GTF2F2: variants seen among roughly 807,000 people sequenced by gnomAD.
GTF2F2 encodes ATP-dependent helicase GTF2F2.
GTF2F2 carries 23 observed loss-of-function variants against 42.2 expected under a neutral mutation model. The observed-to-expected ratio is 0.55, with a 90% CI of 0.39 to 0.77. The LOEUF (loss-of-function observed/expected upper bound fraction) is 0.77. Among genes scored for constraint, GTF2F2 ranks in the 30% least tolerant of loss-of-function variants. GTF2F2 has a pLI of 0.00. For synonymous variants in GTF2F2, 105 were observed against 100.8 expected, an observed-to-expected ratio of 1.04 and a Z score of -0.25; for missense variants, 261 against 287.2, an observed-to-expected ratio of 0.91 and a Z score of 0.66.
rs1876598476 is a variant in GTF2F2, at chr13:45,267,180, T to C, written c.487-53T>C. 5 of 1,480,416 alleles carry C rather than the reference T, an allele frequency of 3.4e-6. No homozygotes were observed. In the Admixed American group the frequency reaches 9.7e-5, roughly 29 times the overall value. The allele number at this position is 1,480,416 out of a possible 1,614,324, so 91.7% of individuals were successfully genotyped here. Reference sequence around the variant, plus strand: ...AAAAAAAAAGAGAATGCCTGTGTTTTAGAGTGAGCATGTTGAATTGATGCT... The same window carrying C: ...AAAAAAAAAGAGAATGCCTGTGTTTCAGAGTGAGCATGTTGAATTGATGCT... On this transcript the variant is annotated intron_variant, in intron 6 of 7. Transcript: ENST00000340473.
intron 5 of GTF2F2, among the ~76,000 whole-genome samples, chr13:45,251,753 A>C (rs1875887597): frequency 6.6e-6 from 1 of 152,178 alleles, no homozygotes; most frequent in African/African-American, 2.4e-5. Flanking sequence ...AATAATAAAC[A>C]TAAGCTTTTG....
intron 2 of GTF2F2, among the ~76,000 whole-genome samples, chr13:45,147,801 C>CT (rs1176506041): frequency 1.3e-5 from 2 of 152,178 alleles, no homozygotes; most frequent in African/African-American, 4.8e-5. Context: ...GTGCTAGATA[C>CT]TTTCTTTTTT....
rs891217626 is a variant in GTF2F2 at position 45,151,258 on chromosome 13, A to G, written c.160-429A>G. 2.0e-4 allele frequency among the ~76,000 whole-genome samples: 30 copies of G among 152,292 alleles called. No homozygotes were observed. In the South Asian group the frequency reaches 2.3e-3, roughly 12 times the overall value. On this transcript the variant is annotated intron_variant, in intron 3 of 7. Coordinates refer to ENST00000340473, the MANE Select transcript of GTF2F2 (RefSeq NM_004128.3). The stretch of plus-strand genomic sequence containing the variant: ...GTTTTCTGTTTCTGCGCTAATTTAC[A>G]TAGGATAATGGCTTCCAGCTGCATC...
At chr13:45,226,022 G>A (rs1874335136) in intron 5 of GTF2F2, among the ~76,000 whole-genome samples, 1 of 151,690 alleles carries the variant, frequency 6.6e-6, no homozygotes, top group Non-Finnish European at 1.5e-5. Flanking sequence ...TTCCTTTTAT[G>A]GGCTGTGATA....
At chr13:45,216,427 G>A (rs964093643) in intron 5 of GTF2F2, among the ~76,000 whole-genome samples, 2 of 152,158 alleles carry the variant, frequency 1.3e-5, no homozygotes, top group African/African-American at 2.4e-5. Flanking sequence ...CTTGTGTTCC[G>A]TGGTTAGTGA....
chr13:45,212,451 C>CTTTCTTTCTTTTCTTTTCTTTTCT lies in GTF2F2; in HGVS notation c.386+4957_386+4958insTCTTTTCTTTTCTTTTCTTTCTTT, dbSNP rs1555269183. ...TTCTTTCTTTCTTTCTTTCTTGTTT[C>CTTTCTTTCTTTTCTTTTCTTTTCT]TTTCTTTCTTTCTTTCTTTCTTTCT... On this transcript the variant is annotated intron_variant, in intron 5 of 7. Coordinates refer to ENST00000340473, the MANE Select transcript of GTF2F2 (RefSeq NM_004128.3). Among the ~76,000 whole-genome samples, 240 of 71,692 alleles carry CTTTCTTTCTTTTCTTTTCTTTTCT rather than the reference C, an allele frequency of 3.3e-3. 8 individuals are homozygous for CTTTCTTTCTTTTCTTTTCTTTTCT. Among genetic ancestry groups the CTTTCTTTCTTTTCTTTTCTTTTCT allele is most frequent in the African/African-American group, 0.011 (181 of 16,090 alleles). 47.0% of individuals were successfully genotyped at this position (71,692 alleles called of 152,430 possible).
Position 45,182,311 on chromosome 13 carries a change from C to T in GTF2F2, c.305-25113C>T, listed in dbSNP as rs1025104115. 5.9e-5 allele frequency among the ~76,000 whole-genome samples: 9 copies of T among 151,970 alleles called. 1 individual carries two copies. Among genetic ancestry groups the T allele is most frequent in the African/African-American group, 1.5e-4 (6 of 41,314 alleles). ...GATTACAGACGCCCACTGCTACGCC[C>T]GGCTAACTTTTGTTACCTCAGGTGA... On this transcript the variant is annotated intron_variant, in intron 4 of 7. Transcript: ENST00000340473.
intron 2 of GTF2F2, among the ~76,000 whole-genome samples, chr13:45,141,884 C>T (rs1264310615): frequency 6.6e-6 from 1 of 152,068 alleles, no homozygotes; most frequent in African/African-American, 2.4e-5. Context: ...CTAACCAGAG[C>T]AAGGTATTTT....
intron 5 of GTF2F2, among the ~76,000 whole-genome samples, chr13:45,214,561 G>A (rs945351713): frequency 6.6e-6 from 1 of 152,128 alleles, no homozygotes; most frequent in African/African-American, 2.4e-5. Context: ...GAAGAAAAAA[G>A]TGTTCTACTA....
intron 4 of GTF2F2, among the ~76,000 whole-genome samples, chr13:45,184,843 C>G (rs1026874866): frequency 6.6e-6 from 1 of 151,926 alleles, no homozygotes; most frequent in Non-Finnish European, 1.5e-5. Context: ...GACAGGGTCT[C>G]GCTCTGTTGC....
At chr13:45,139,918 T>G (rs1266296417) in intron 2 of GTF2F2, among the ~76,000 whole-genome samples, 3 of 152,186 alleles carry the variant, frequency 2.0e-5, no homozygotes, top group Non-Finnish European at 4.4e-5. Context: ...CTCAAGTCCT[T>G]TATATAAAAT....
chr13:45,137,594 A>G (rs1869696680), intron 2 of GTF2F2, among the ~76,000 whole-genome samples: 1 of 152,232 alleles, frequency 6.6e-6, no homozygotes, highest in Non-Finnish European at 1.5e-5. Flanking sequence ...GTGGTGGTTG[A>G]GTTGACATTA....
At chr13:45,190,162 A>G (rs899162118) in intron 4 of GTF2F2, among the ~76,000 whole-genome samples, 1 of 152,222 alleles carries the variant, frequency 6.6e-6, no homozygotes, top group Non-Finnish European at 1.5e-5. Context: ...ACAAGAAAAA[A>G]ACAACCCCAT....
chr13:45,159,444 G>A (rs1467726182), intron 4 of GTF2F2, among the ~76,000 whole-genome samples: 3 of 152,292 alleles, frequency 2.0e-5, no homozygotes, highest in African/African-American at 7.2e-5. Flanking sequence ...AGGCTGGAGC[G>A]CAGTGGCGCG....
chr13:45,207,375 T>A, intron 4 of GTF2F2, 49 bp from the exon 5 acceptor site: 1 of 1,116,914 alleles, frequency 9.0e-7, no homozygotes, highest in Non-Finnish European at 1.4e-6. Context: ...AAATACAGTC[T>A]TGAAAATGAT....
intron 2 of GTF2F2, among the ~76,000 whole-genome samples, chr13:45,139,713 C>A (rs762878195): frequency 2.0e-5 from 3 of 152,180 alleles, no homozygotes; most frequent in Non-Finnish European, 4.4e-5. Flanking sequence ...TTGTTCATAT[C>A]GCCTACTAAA....
intron 1 of GTF2F2, among the ~76,000 whole-genome samples, chr13:45,123,670 C>T (rs1868807246): frequency 6.6e-6 from 1 of 150,582 alleles, no homozygotes; most frequent in Non-Finnish European, 1.5e-5. Flanking sequence ...ACGGGCAGGA[C>T]TGGGGATAAA....
intron 7 of GTF2F2, among the ~76,000 whole-genome samples, chr13:45,269,308 A>G (rs906799755): frequency 6.6e-6 from 1 of 152,180 alleles, no homozygotes; most frequent in Admixed American, 6.5e-5. Flanking sequence ...CTTCAGATGG[A>G]TTTTGGCAGG....
Position 45,257,749 on chromosome 13 carries a change from T to G in GTF2F2, c.486+4779T>G, listed in dbSNP as rs148682153. ...CCTAGTAAAGGAAAGAAACTGAGCT[T>G]TAGAAATACTATGTAGATTGACCCT... On this transcript the variant is annotated intron_variant, in intron 6 of 7. Coordinates refer to ENST00000340473, the MANE Select transcript of GTF2F2 (RefSeq NM_004128.3). 4.6e-5 allele frequency among the ~76,000 whole-genome samples: 7 copies of G among 152,278 alleles called. No homozygotes were observed. In the East Asian group the frequency reaches 1.4e-3, roughly 29 times the overall value.
Sources: gnomAD v4.1 joint callset for allele counts (sites outside exome capture counted in the v4.1 genomes callset) on GRCh38, gnomAD v4.1.1 for gene constraint, MANE v1.5 for transcripts, NCBI Gene and HGNC (gene_info 2026-07-23, HGNC 2026-07-21) for gene names.